FHIP1A: variants seen among roughly 807,000 people sequenced by gnomAD.
FHIP1A encodes FHF complex subunit HOOK-interacting protein 1A.
Under a neutral mutation model 88.6 loss-of-function variants are expected in FHIP1A, and 61 were observed. That is an observed-to-expected ratio of 0.69 (90% CI 0.56 to 0.85). The LOEUF is 0.85. FHIP1A is among the 40% of genes least tolerant of loss of function. The pLI is 0.00. For missense variants in FHIP1A, 1,154 were observed against 1,273.5 expected, an observed-to-expected ratio of 0.91 and a Z score of 1.43; for synonymous variants, 478 against 496.0, an observed-to-expected ratio of 0.96 and a Z score of 0.48.
In FHIP1A at chr4:151,601,089, G is replaced by A. The variant is rs1734849767; in HGVS notation, c.978+12163G>A. Among the ~76,000 whole-genome samples the A allele has an allele frequency of 2.0e-5, 3 of 152,182 alleles. No homozygotes were observed. The South Asian group carries it at 6.2e-4, about 32-fold the overall frequency. On this transcript the variant is annotated intron_variant, in intron 7 of 13. Coordinates refer to ENST00000435205, the MANE Select transcript of FHIP1A (RefSeq NM_001109977.3). ...GTAAAGGGTCAAAGAGACATATGTG[G>A]AGAGGCCCACCTGATAAGAGCCATG...
chr4:151,560,489 A>G (rs535437510), intron 3 of FHIP1A, among the ~76,000 whole-genome samples: 1 of 152,332 alleles, frequency 6.6e-6, no homozygotes, highest in East Asian at 1.9e-4. Flanking sequence ...AGAAAGATTC[A>G]GAGCATCTAC....
chr4:151,431,297 G>T (rs918768501), intron 1 of FHIP1A, among the ~76,000 whole-genome samples: 1 of 152,040 alleles, frequency 6.6e-6, no homozygotes, highest in South Asian at 2.1e-4. Context: ...GCCCTGGCCC[G>T]CCACTCCCTA....
chr4:151,578,860 C>T (rs1733917590), intron 5 of FHIP1A, among the ~76,000 whole-genome samples: 1 of 152,116 alleles, frequency 6.6e-6, no homozygotes, highest in Admixed American at 6.5e-5. Context: ...TGTCCTTTAG[C>T]AGGTGAATAG....
intron 7 of FHIP1A, among the ~76,000 whole-genome samples, chr4:151,594,414 G>A (rs1231832805): frequency 1.3e-5 from 2 of 151,910 alleles, no homozygotes; most frequent in Non-Finnish European, 2.9e-5. Context: ...CTTGTTATTG[G>A]TCTGTTCAGG....
chr4:151,605,068 G>T lies in FHIP1A; in HGVS notation c.978+16142G>T, dbSNP rs115871284. Among the ~76,000 whole-genome samples the T allele has an allele frequency of 2.9e-3, 444 of 152,166 alleles. 3 individuals are homozygous for T. The highest frequency in any genetic ancestry group is 4.5e-3 in the Non-Finnish European group (306 of 68,014). Reference sequence around the variant, plus strand: ...AGGATCCTGGGCTGGTGGGAGACCCGTAGAGAGTTGGCAGTTGCAGCCAAA... The same window carrying T: ...AGGATCCTGGGCTGGTGGGAGACCCTTAGAGAGTTGGCAGTTGCAGCCAAA... On this transcript the variant is annotated intron_variant, in intron 7 of 13. Transcript: ENST00000435205.
At chr4:151,447,877 G>A (rs185165327) in intron 1 of FHIP1A, among the ~76,000 whole-genome samples, 2 of 152,258 alleles carry the variant, frequency 1.3e-5, no homozygotes, top group East Asian at 3.9e-4. Flanking sequence ...AACCTTGCCT[G>A]CACCTCGATC....
At chr4:151,505,805 T>C (rs563923535) in intron 3 of FHIP1A, among the ~76,000 whole-genome samples, 4 of 152,288 alleles carry the variant, frequency 2.6e-5, no homozygotes, top group African/African-American at 9.6e-5. Context: ...AGTGAAAATT[T>C]TTTAAAAATT....
At chr4:151,424,059 C>T (rs2126526631) in intron 1 of FHIP1A, among the ~76,000 whole-genome samples, 1 of 152,312 alleles carries the variant, frequency 6.6e-6, no homozygotes, top group African/African-American at 2.4e-5. Context: ...CCTACACTTT[C>T]TGTCTTATAT....
chr4:151,470,181 C>T (rs376915486), intron 2 of FHIP1A, among the ~76,000 whole-genome samples: 13 of 152,272 alleles, frequency 8.5e-5, no homozygotes, highest in African/African-American at 2.9e-4. Flanking sequence ...GTTAGTGCCT[C>T]AGCATATTAC....
chr4:151,532,365 G>A (rs961295925), intron 3 of FHIP1A, among the ~76,000 whole-genome samples: 1 of 152,198 alleles, frequency 6.6e-6, no homozygotes, highest in East Asian at 1.9e-4. Context: ...AGGATTTTGA[G>A]TTTTAAGCCA....
intron 7 of FHIP1A, among the ~76,000 whole-genome samples, chr4:151,615,175 G>T (rs751119894): frequency 6.6e-5 from 10 of 151,976 alleles, no homozygotes; most frequent in East Asian, 5.8e-4. Context: ...GTTCCAAATG[G>T]TTGATACAGA....
intron 4 of FHIP1A, among the ~76,000 whole-genome samples, chr4:151,574,751 C>T (rs973555833): frequency 2.0e-5 from 3 of 152,038 alleles, no homozygotes; most frequent in Admixed American, 6.5e-5. Context: ...TCTCTTTAGA[C>T]TCAATCATAT....
intron 3 of FHIP1A, among the ~76,000 whole-genome samples, chr4:151,557,837 G>A (rs1733011057): frequency 6.6e-6 from 1 of 152,182 alleles, no homozygotes; most frequent in South Asian, 2.1e-4. Flanking sequence ...AAGGTGACAC[G>A]AGGCTTTTTC....
At chr4:151,442,018 A>G (rs1728431214) in intron 1 of FHIP1A, among the ~76,000 whole-genome samples, 1 of 152,152 alleles carries the variant, frequency 6.6e-6, no homozygotes, top group African/African-American at 2.4e-5. Flanking sequence ...TCAAGTTTTC[A>G]TTGAATGTTT....
At chr4:151,597,856 C>G (rs1338169655) in intron 7 of FHIP1A, among the ~76,000 whole-genome samples, 1 of 152,150 alleles carries the variant, frequency 6.6e-6, no homozygotes, top group Non-Finnish European at 1.5e-5. Context: ...ACTCAAGCCT[C>G]AGTAATGGTG....
intron 3 of FHIP1A, among the ~76,000 whole-genome samples, chr4:151,516,184 AAAAC>A (rs1043983283): frequency 1.8e-4 from 27 of 152,226 alleles, no homozygotes; most frequent in Non-Finnish European, 1.5e-5. Context: ...AAACCTGACA[AAAAC>A]AAGCAATGGG....
intron 3 of FHIP1A, among the ~76,000 whole-genome samples, chr4:151,510,098 T>C (rs986222306): frequency 6.6e-6 from 1 of 152,068 alleles, no homozygotes; most frequent in African/African-American, 2.4e-5. Flanking sequence ...GGACCCTCCC[T>C]GCCAGCATTT....
intron 3 of FHIP1A, among the ~76,000 whole-genome samples, chr4:151,509,408 G>T (rs753850691): frequency 1.3e-5 from 2 of 151,836 alleles, no homozygotes; most frequent in Non-Finnish European, 2.9e-5. Context: ...CTCGTGATCC[G>T]CCCGCCTCAG....
intron 3 of FHIP1A, among the ~76,000 whole-genome samples, chr4:151,495,697 C>A (rs191297281): frequency 2.9e-5 from 4 of 137,940 alleles, no homozygotes; most frequent in Non-Finnish European, 4.7e-5. Flanking sequence ...GATCTCGGCT[C>A]ACTGCAACCT....
Sources: allele counts gnomAD v4.1 joint callset (sites outside exome capture counted in the v4.1 genomes callset), GRCh38; gene constraint gnomAD v4.1.1; transcripts MANE v1.5; gene names NCBI Gene and HGNC (gene_info 2026-07-23, HGNC 2026-07-21).